Variants in CLCN4 observed in about 807,000 individuals in gnomAD.
CLCN4 encodes the protein H(+)/Cl(-) exchange transporter 4.
Under a neutral mutation model 41.7 loss-of-function variants are expected in CLCN4, and 1 was observed. That is an observed-to-expected ratio of 0.02 (90% CI 0.01 to 0.11). The LOEUF is 0.11. Among genes scored for constraint, CLCN4 ranks in the 10% least tolerant of loss-of-function variants. The probability of loss-of-function intolerance (pLI) is 1.00; values close to 1 mark genes in which losing one functional copy is unlikely to be tolerated. For missense variants in CLCN4, 287 were observed against 661.0 expected, an observed-to-expected ratio of 0.43 and a Z score of 6.20; for synonymous variants, 277 against 285.8, an observed-to-expected ratio of 0.97 and a Z score of 0.31.
chrX:10,236,755 G>C lies in CLCN4; in HGVS notation c.*3171G>C, dbSNP rs888867849. 9.1e-6 allele frequency: 1 copy of C among 110,184 alleles called. No homozygotes were observed. Among genetic ancestry groups the C allele is most frequent in the African/African-American group, 3.3e-5 (1 of 30,239 alleles). 9.1% of individuals were successfully genotyped at this position (110,184 alleles called of 1,213,427 possible). The stretch of plus-strand genomic sequence containing the variant: ...TTTTTTTCCTCTTCCAGAACCAAAG[G>C]CTTTAGACATTTGTAGAACTTTCTG... On this transcript the variant is annotated 3_prime_UTR_variant, in exon 13 of 13. Transcript: ENST00000380833.
chrX:10,217,407 G>C (rs181378905), intron 11 of CLCN4, among the ~76,000 whole-genome samples: 14 of 112,129 alleles, frequency 1.2e-4, no homozygotes, highest in Non-Finnish European at 2.1e-4. Context: ...CTTGGGTGCT[G>C]AGCAGCATCC....
At chrX:10,213,454 T>A (rs910710080) in intron 10 of CLCN4, among the ~76,000 whole-genome samples, 1 of 112,045 alleles carries the variant, frequency 8.9e-6, no homozygotes, top group Non-Finnish European at 1.9e-5. Context: ...GGATCCGTCA[T>A]TGGAGCAGAG....
intron 3 of CLCN4, 85 bp downstream of exon 3, chrX:10,185,261 G>T: frequency 1.0e-6 from 1 of 1,004,918 alleles, no homozygotes; most frequent in South Asian, 2.4e-5. Flanking sequence ...TTAGGTCCAC[G>T]TACGTGTCAT....
At chrX:10,211,664 A>G (rs1924556881) in intron 9 of CLCN4, among the ~76,000 whole-genome samples, 1 of 112,128 alleles carries the variant, frequency 8.9e-6, no homozygotes, top group Non-Finnish European at 1.9e-5. Flanking sequence ...GCTGGCTGGC[A>G]TCATTGCAGC....
intron 2 of CLCN4, among the ~76,000 whole-genome samples, chrX:10,166,684 G>A (rs1009376659): frequency 2.7e-5 from 3 of 112,235 alleles, no homozygotes; most frequent in Non-Finnish European, 5.6e-5. Context: ...ATACACGGGG[G>A]AAGTGCTTAG....
At chrX:10,191,868 T>C (rs1215210204) in intron 4 of CLCN4, among the ~76,000 whole-genome samples, 2 of 109,183 alleles carry the variant, frequency 1.8e-5, no homozygotes, top group Non-Finnish European at 3.8e-5. Flanking sequence ...GCCTTTAATA[T>C]ACTTATTTTC....
chrX:10,161,257 C>T (rs1157570044), intron 2 of CLCN4, among the ~76,000 whole-genome samples: 1 of 109,425 alleles, frequency 9.1e-6, no homozygotes, highest in Non-Finnish European at 1.9e-5. Context: ...GAGGAAGACC[C>T]ACTGTGCAGA....
intron 6 of CLCN4, among the ~76,000 whole-genome samples, chrX:10,201,398 G>A (rs946980567): frequency 1.8e-5 from 2 of 112,319 alleles, no homozygotes; most frequent in African/African-American, 6.5e-5. Flanking sequence ...CCCAGCAGTA[G>A]CAAAGTCTTC....
intron 3 of CLCN4, 88 bp downstream of exon 3, chrX:10,185,264 C>T (rs760699075): frequency 7.2e-5 from 71 of 982,229 alleles, no homozygotes; most frequent in South Asian, 4.5e-4. Flanking sequence ...GGTCCACGTA[C>T]GTGTCATGTG....
At chrX:10,174,376 T>G (rs7055318) in intron 2 of CLCN4, among the ~76,000 whole-genome samples, 24,610 of 111,531 alleles carry the variant, frequency 0.22, 2,541 homozygotes, top group East Asian at 0.85. Flanking sequence ...AGAGTTCTGA[T>G]GGAGGCACAA....
At chrX:10,199,931 T>G (rs1385935064) in intron 6 of CLCN4, among the ~76,000 whole-genome samples, 2 of 110,755 alleles carry the variant, frequency 1.8e-5, no homozygotes, top group Non-Finnish European at 3.8e-5. Flanking sequence ...GCTAATTTTT[T>G]TTTTGGTTTT....
intron 4 of CLCN4, among the ~76,000 whole-genome samples, chrX:10,191,808 G>T (rs191654766): frequency 8.9e-5 from 9 of 100,779 alleles, no homozygotes; most frequent in Non-Finnish European, 1.8e-4. Context: ...CCAAAGTGCT[G>T]GGACTACTGG....
At chrX:10,177,386 C>T (rs1200224996) in intron 2 of CLCN4, among the ~76,000 whole-genome samples, 1 of 112,243 alleles carries the variant, frequency 8.9e-6, no homozygotes, top group Non-Finnish European at 1.9e-5. Flanking sequence ...GATAGTTACA[C>T]TGAACAACAT....
Position 10,233,598 on chromosome X carries a change from A to G in CLCN4, c.*14A>G, listed in dbSNP as rs1452721331. ...ATGTTTAATTAGCAACAAGGTGGCAATTATTTTCAGAAAAACACTGACTGT... is the reference window on the plus strand; with the variant it reads ...ATGTTTAATTAGCAACAAGGTGGCAGTTATTTTCAGAAAAACACTGACTGT... On this transcript the variant is annotated 3_prime_UTR_variant, in exon 13 of 13. Coordinates refer to ENST00000380833, the MANE Select transcript of CLCN4 (RefSeq NM_001830.4). The G allele has an allele frequency of 2.6e-6, 3 of 1,135,576 alleles. No homozygotes were observed. Among genetic ancestry groups the G allele is most frequent in the East Asian group, 3.0e-5 (1 of 33,518 alleles). 93.6% of individuals were successfully genotyped at this position (1,135,576 alleles called of 1,213,427 possible).
intron 6 of CLCN4, among the ~76,000 whole-genome samples, chrX:10,202,752 G>T (rs1339920817): frequency 1.9e-5 from 2 of 104,819 alleles, no homozygotes; most frequent in African/African-American, 6.9e-5. Flanking sequence ...GCTTCCTTTT[G>T]TCAGTAGAAC....
intron 12 of CLCN4, among the ~76,000 whole-genome samples, chrX:10,233,110 A>G (rs1296022654): frequency 8.9e-6 from 1 of 111,988 alleles, no homozygotes; most frequent in African/African-American, 3.2e-5. Context: ...ACAAGCTTGC[A>G]ATCTCTGTGG....
intron 6 of CLCN4, among the ~76,000 whole-genome samples, chrX:10,201,028 A>G (rs1924225228): frequency 1.8e-5 from 2 of 112,446 alleles, no homozygotes; most frequent in South Asian, 7.3e-4. Flanking sequence ...CAAGGGATAC[A>G]TAGACATGGA....
chrX:10,195,865 A>G (rs1259435113), intron 5 of CLCN4, among the ~76,000 whole-genome samples: 3 of 112,528 alleles, frequency 2.7e-5, no homozygotes, highest in Non-Finnish European at 5.6e-5. Flanking sequence ...GTATGAATGG[A>G]CCACATTTTA....
Position 10,168,277 on chromosome X carries a change from A to T in CLCN4, c.-12+9726A>T, listed in dbSNP as rs145762642. 9.6e-3 allele frequency among the ~76,000 whole-genome samples: 1,070 copies of T among 111,618 alleles called. 14 individuals carry two copies. The highest frequency in any genetic ancestry group is 0.033 in the African/African-American group (1,023 of 30,665). ...TACTTTGGGCATTCGGCCTTTGCAG[A>T]TGCGGGATGTCATTTTTGATGCGAG... On this transcript the variant is annotated intron_variant, in intron 2 of 12. Coordinates refer to ENST00000380833, the MANE Select transcript of CLCN4 (RefSeq NM_001830.4).
Sources: gnomAD v4.1 joint callset for allele counts (sites outside exome capture counted in the v4.1 genomes callset) on GRCh38, gnomAD v4.1.1 for gene constraint, MANE v1.5 for transcripts, NCBI Gene and HGNC (gene_info 2026-07-23, HGNC 2026-07-21) for gene names.